CNTN5: variants seen among roughly 807,000 people sequenced by gnomAD.
CNTN5 encodes the protein contactin-5.
Under a neutral mutation model 129.1 loss-of-function variants are expected in CNTN5, and 77 were observed. That is an observed-to-expected ratio of 0.60 (90% CI 0.50 to 0.72). The LOEUF (loss-of-function observed/expected upper bound fraction) is 0.72. CNTN5 is among the 30% of genes least tolerant of loss of function. CNTN5 has a pLI of 0.00. For synonymous variants in CNTN5, 509 were observed against 465.6 expected, an observed-to-expected ratio of 1.09 and a Z score of -1.20; for missense variants, 1,478 against 1,328.8, an observed-to-expected ratio of 1.11 and a Z score of -1.75.
chr11:99,751,856 C>T lies in CNTN5; in HGVS notation c.56-67688C>T, dbSNP rs529993957. The stretch of plus-strand genomic sequence containing the variant: ...CTGATTAGGTCAGGAAGACTCCTCC[C>T]TTATGAATGGGATTATAAAAGAGGC... On this transcript the variant is annotated intron_variant, in intron 3 of 24. Transcript: ENST00000524871. Among the ~76,000 whole-genome samples the T allele has an allele frequency of 5.3e-5, 8 of 152,290 alleles. No homozygotes were observed. The South Asian group carries it at 1.7e-3, about 32-fold the overall frequency.
chr11:100,205,369 G>T (rs574024644), intron 15 of CNTN5, among the ~76,000 whole-genome samples: 1 of 152,152 alleles, frequency 6.6e-6, no homozygotes, highest in African/African-American at 2.4e-5. Context: ...AGCTTTAGGA[G>T]TCTAGAATTA....
chr11:99,489,833 T>G (rs1945966017), intron 2 of CNTN5, among the ~76,000 whole-genome samples: 1 of 151,244 alleles, frequency 6.6e-6, no homozygotes. Context: ...AAAGTGAGAG[T>G]GAAAGTGAGA....
chr11:99,377,995 A>G (rs1337982462), intron 2 of CNTN5, among the ~76,000 whole-genome samples: 1 of 152,156 alleles, frequency 6.6e-6, no homozygotes, highest in Non-Finnish European at 1.5e-5. Flanking sequence ...ATATTGCAAG[A>G]TAGTGAGTTC....
intron 3 of CNTN5, among the ~76,000 whole-genome samples, chr11:99,773,181 G>A (rs1945002881): frequency 6.6e-6 from 1 of 152,004 alleles, no homozygotes; most frequent in Non-Finnish European, 1.5e-5. Flanking sequence ...ATTTTAATTT[G>A]CGTTCAAGTA....
At chr11:99,869,018 A>G (rs1399681059) in intron 6 of CNTN5, among the ~76,000 whole-genome samples, 1 of 152,176 alleles carries the variant, frequency 6.6e-6, no homozygotes, top group African/African-American at 2.4e-5. Context: ...GTGACTGGTA[A>G]TCACCCCTAC....
intron 13 of CNTN5, among the ~76,000 whole-genome samples, chr11:100,183,195 A>C (rs1423412384): frequency 6.6e-6 from 1 of 152,178 alleles, no homozygotes; most frequent in East Asian, 1.9e-4. Flanking sequence ...TCAGCTTCTT[A>C]AAAAGGTAAA....
At chr11:99,263,922 T>C (rs954149375) in intron 1 of CNTN5, among the ~76,000 whole-genome samples, 5 of 152,164 alleles carry the variant, frequency 3.3e-5, no homozygotes, top group Non-Finnish European at 4.4e-5. Flanking sequence ...ATCCTGTGCA[T>C]ATTTGAGGTT....
intron 16 of CNTN5, among the ~76,000 whole-genome samples, chr11:100,235,775 T>C (rs1194917696): frequency 1.3e-5 from 2 of 152,122 alleles, no homozygotes; most frequent in Non-Finnish European, 2.9e-5. Context: ...TTATATACTG[T>C]TGTCCCATGA....
At chr11:100,286,940 C>T (rs1416907783) in intron 18 of CNTN5, among the ~76,000 whole-genome samples, 7 of 152,050 alleles carry the variant, frequency 4.6e-5, no homozygotes, top group East Asian at 3.9e-4. Context: ...AACCAAAGCT[C>T]GAGAACTACG....
chr11:99,569,729 A>G (rs978395185), intron 3 of CNTN5, among the ~76,000 whole-genome samples: 2 of 152,172 alleles, frequency 1.3e-5, no homozygotes, highest in Non-Finnish European at 2.9e-5. Context: ...GAAAAGAAAT[A>G]TTTACTTTAA....
intron 2 of CNTN5, among the ~76,000 whole-genome samples, chr11:99,543,438 C>T (rs1439866007): frequency 6.6e-6 from 1 of 152,126 alleles, no homozygotes. Flanking sequence ...CTGACCATCA[C>T]ATTTACTTGC....
chr11:100,111,847 T>C (rs1945668152), intron 13 of CNTN5, among the ~76,000 whole-genome samples: 1 of 152,206 alleles, frequency 6.6e-6, no homozygotes, highest in Non-Finnish European at 1.5e-5. Flanking sequence ...TTGTATGAAT[T>C]TGACTATTTT....
At chr11:100,253,218 A>G (rs1950005486) in intron 16 of CNTN5, among the ~76,000 whole-genome samples, 1 of 152,152 alleles carries the variant, frequency 6.6e-6, no homozygotes, top group African/African-American at 2.4e-5. Context: ...GAAAACAGTA[A>G]AGGTCTCTGT....
rs150623974 is a variant in CNTN5, at chr11:100,163,139, CA to C, written c.1581-27980del. The stretch of plus-strand genomic sequence containing the variant: ...AAATTTCATTTCGACAAATTAAAAA[CA>C]AAAAAATTGATATTTAGCTTATTTA... On this transcript the variant is annotated intron_variant, in intron 13 of 24. Transcript: ENST00000524871. Among the ~76,000 whole-genome samples, 667 of 151,642 alleles carry C rather than the reference CA, an allele frequency of 4.4e-3. 3 individuals carry two copies. Among genetic ancestry groups the C allele is most frequent in the African/African-American group, 0.015 (629 of 41,434 alleles).
At chr11:99,431,361 G>T (rs892304824) in intron 2 of CNTN5, among the ~76,000 whole-genome samples, 1 of 152,108 alleles carries the variant, frequency 6.6e-6, no homozygotes, top group Non-Finnish European at 1.5e-5. Flanking sequence ...TACCCTCCCT[G>T]TTGAAAGCCA....
intron 3 of CNTN5, among the ~76,000 whole-genome samples, chr11:99,598,087 T>A (rs1354515609): frequency 2.6e-5 from 4 of 152,144 alleles, no homozygotes; most frequent in Admixed American, 6.6e-5. Flanking sequence ...AAATTCCATG[T>A]AGGGAATATG....
chr11:100,346,151 CCTTGA>C (rs1013891019), intron 23 of CNTN5, among the ~76,000 whole-genome samples: 2 of 151,946 alleles, frequency 1.3e-5, no homozygotes, highest in Non-Finnish European at 2.9e-5. Flanking sequence ...AGTTTTCTTA[CCTTGA>C]CTTATTTTTT....
At chr11:99,633,246 T>C (rs960809509) in intron 3 of CNTN5, among the ~76,000 whole-genome samples, 2 of 152,226 alleles carry the variant, frequency 1.3e-5, no homozygotes, top group South Asian at 4.1e-4. Flanking sequence ...CAATTTGTCA[T>C]ATCTGATGAG....
chr11:99,842,570 A>G (rs1466234162), intron 4 of CNTN5, among the ~76,000 whole-genome samples: 2 of 152,212 alleles, frequency 1.3e-5, no homozygotes, highest in Non-Finnish European at 2.9e-5. Flanking sequence ...AAAGCTCAGG[A>G]GTTGTCTATA....
Sources: allele counts gnomAD v4.1 joint callset (sites outside exome capture counted in the v4.1 genomes callset), GRCh38; gene constraint gnomAD v4.1.1; transcripts MANE v1.5; gene names NCBI Gene and HGNC (gene_info 2026-07-23, HGNC 2026-07-21).